Variants in COBLL1 observed in about 807,000 individuals in gnomAD.
COBLL1 encodes cordon-bleu protein-like 1.
COBLL1 carries 50 observed loss-of-function variants against 94.8 expected under a neutral mutation model. That is an observed-to-expected ratio of 0.53 (90% confidence interval 0.42 to 0.67). The LOEUF (loss-of-function observed/expected upper bound fraction) is 0.67. COBLL1 is among the 30% of genes least tolerant of loss of function. COBLL1 has a pLI of 0.00. For synonymous variants in COBLL1, 448 were observed against 473.8 expected (o/e 0.95, Z 0.71); for missense variants, 1,362 against 1,348.7 (o/e 1.01, Z -0.15).
In COBLL1 at chr2:164,743,444, T is replaced by C. The variant is rs905007334; in HGVS notation, c.230+243A>G. 26 of 379,028 alleles carry C rather than the reference T, an allele frequency of 6.9e-5. No individual in the cohort carries two copies. In the Middle Eastern group the frequency reaches 2.2e-3, roughly 32 times the overall value. The allele number at this position is 379,028 out of a possible 1,614,324, so 23.5% of individuals were successfully genotyped here. On this transcript the variant is annotated intron_variant, in intron 3 of 13. Coordinates refer to ENST00000652658, the MANE Select transcript of COBLL1 (RefSeq NM_001365672.2). The stretch of plus-strand genomic sequence containing the variant: ...AAAACTTGTTAAATAACTAACGAGA[T>C]ATGAAAGGGTTCCAAATTTCAAGAG...
At chr2:164,772,620 G>T (rs573176168) in intron 2 of COBLL1, among the ~76,000 whole-genome samples, 10 of 152,082 alleles carry the variant, frequency 6.6e-5, no homozygotes, top group Non-Finnish European at 1.3e-4. Context: ...ACAAAACAAT[G>T]TTAATTCAAT....
chr2:164,753,024 A>C (rs1448346213), intron 2 of COBLL1, among the ~76,000 whole-genome samples: 4 of 152,184 alleles, frequency 2.6e-5, no homozygotes, highest in South Asian at 2.1e-4. Context: ...CTAATTTACA[A>C]GTAGCATTTG....
intron 2 of COBLL1, among the ~76,000 whole-genome samples, chr2:164,832,730 C>A (rs555256825): frequency 5.9e-5 from 9 of 152,230 alleles, no homozygotes; most frequent in African/African-American, 2.2e-4. Flanking sequence ...TCCTGCAGCT[C>A]TGATTTCAAT....
intron 2 of COBLL1, among the ~76,000 whole-genome samples, chr2:164,788,222 C>T (rs1318926632): frequency 6.6e-6 from 1 of 152,130 alleles, no homozygotes; most frequent in Non-Finnish European, 1.5e-5. Flanking sequence ...TTTGGCCACT[C>T]GGTTAAATCT....
At chr2:164,692,743 C>G (rs1263322916) in intron 12 of COBLL1, 1 of 161,776 alleles carries the variant, frequency 6.2e-6, no homozygotes, top group African/African-American at 2.4e-5. Flanking sequence ...TTAAAAAATA[C>G]TGCAAACTAA....
chr2:164,664,511 A>G (rs1290058918), intron 2 of COBLL1, among the ~76,000 whole-genome samples: 1 of 152,242 alleles, frequency 6.6e-6, no homozygotes, highest in African/African-American at 2.4e-5. Context: ...AACTCAAAAA[A>G]TAAATCAACA....
At chr2:164,763,452 G>A (rs909925770) in intron 2 of COBLL1, among the ~76,000 whole-genome samples, 23 of 152,070 alleles carry the variant, frequency 1.5e-4, no homozygotes, top group Non-Finnish European at 3.1e-4. Context: ...CAAATACGTA[G>A]TTACCCTTTG....
chr2:164,721,172 A>T (rs1007077791), intron 7 of COBLL1, among the ~76,000 whole-genome samples: 9 of 152,204 alleles, frequency 5.9e-5, no homozygotes, highest in Non-Finnish European at 1.3e-4. Flanking sequence ...TTACTTTAGC[A>T]TTGCATTTAC....
At chr2:164,764,682 A>G (rs1380933962) in intron 2 of COBLL1, among the ~76,000 whole-genome samples, 1 of 152,184 alleles carries the variant, frequency 6.6e-6, no homozygotes, top group Non-Finnish European at 1.5e-5. Flanking sequence ...ATCACAGACT[A>G]TGGAGGTCAT....
intron 2 of COBLL1, among the ~76,000 whole-genome samples, chr2:164,755,871 G>A (rs561208421): frequency 7.2e-5 from 11 of 152,294 alleles, no homozygotes; most frequent in Admixed American, 6.5e-4. Context: ...TCACTATGCT[G>A]TGCAAGGGTG....
chr2:164,679,819 G>C (rs1228604832), downstream of COBLL1, among the ~76,000 whole-genome samples: 3 of 151,972 alleles, frequency 2.0e-5, no homozygotes, highest in Middle Eastern at 3.4e-3. Context: ...ATATCATTAA[G>C]AGAAATATCT....
chr2:164,742,824 C>A (rs185883702), intron 3 of COBLL1, among the ~76,000 whole-genome samples: 243 of 151,954 alleles, frequency 1.6e-3, no homozygotes, highest in Non-Finnish European at 2.2e-3. Context: ...CCAATATATT[C>A]TTTTCCTTAT....
downstream of COBLL1, among the ~76,000 whole-genome samples, chr2:164,676,916 A>G (rs951707048): frequency 2.0e-4 from 30 of 152,144 alleles, no homozygotes; most frequent in African/African-American, 6.8e-4. Context: ...CATTTATTTT[A>G]TTCAACCAAT....
chr2:164,762,951 C>T (rs1687757141), intron 2 of COBLL1, among the ~76,000 whole-genome samples: 1 of 152,120 alleles, frequency 6.6e-6, no homozygotes, highest in South Asian at 2.1e-4. Context: ...CTGCCTCGGC[C>T]TCCCAAAGTG....
At chr2:164,774,224 T>A (rs1040840947) in intron 2 of COBLL1, among the ~76,000 whole-genome samples, 2 of 152,086 alleles carry the variant, frequency 1.3e-5, no homozygotes, top group Non-Finnish European at 2.9e-5. Context: ...TTTAATTTTG[T>A]AAAAAGAAAA....
chr2:164,763,448 C>T (rs954136303), intron 2 of COBLL1, among the ~76,000 whole-genome samples: 2 of 152,240 alleles, frequency 1.3e-5, no homozygotes, highest in South Asian at 2.1e-4. Context: ...CAATCAAATA[C>T]GTAGTTACCC....
intron 7 of COBLL1, among the ~76,000 whole-genome samples, chr2:164,706,600 A>C (rs1045728318): frequency 6.6e-6 from 1 of 152,074 alleles, no homozygotes; most frequent in Non-Finnish European, 1.5e-5. Context: ...GCCACATCCT[A>C]TTCTCACAGC....
At chr2:164,727,876 A>G (rs1023518906) in intron 5 of COBLL1, 93 bp downstream of exon 5, 3 of 786,834 alleles carry the variant, frequency 3.8e-6, no homozygotes, top group Non-Finnish European at 6.2e-6. Flanking sequence ...AACTGCCATT[A>G]TGAACTTGAG....
At chr2:164,796,650 C>G (rs982598839) in intron 2 of COBLL1, among the ~76,000 whole-genome samples, 3 of 136,468 alleles carry the variant, frequency 2.2e-5, no homozygotes, top group Non-Finnish European at 4.5e-5. Context: ...GTTCAGGCAA[C>G]CAAGCTCCTA....
Sources: gnomAD v4.1 joint callset for allele counts (sites outside exome capture counted in the v4.1 genomes callset) on GRCh38, gnomAD v4.1.1 for gene constraint, MANE v1.5 for transcripts, NCBI Gene and HGNC (gene_info 2026-07-23, HGNC 2026-07-21) for gene names.